The following FAM81A variants were observed in gnomAD, a reference collection of about 807,000 sequenced individuals.
The protein encoded by FAM81A is family with sequence similarity 81 member A.
In FAM81A, 19 loss-of-function variants were observed where a neutral mutation model predicts 46.7. That is an observed-to-expected ratio of 0.41 (90% CI 0.28 to 0.60). FAM81A has a LOEUF of 0.60. Ranked by LOEUF, FAM81A falls within the 20% of genes least tolerant of loss-of-function variation. FAM81A has a pLI of 0.34. For missense variants in FAM81A, 377 were observed against 453.5 expected, an observed-to-expected ratio of 0.83 and a Z score of 1.53; for synonymous variants, 183 against 152.9, an observed-to-expected ratio of 1.20 and a Z score of -1.45.
chr15:59,463,069 C>T (rs1240098245), intron 3 of FAM81A, among the ~76,000 whole-genome samples: 1 of 152,068 alleles, frequency 6.6e-6, no homozygotes, highest in East Asian at 1.9e-4. Context: ...TTTTGTGTTG[C>T]ATCTTTACAA....
At chr15:59,487,621 G>C (rs2081933874) in intron 3 of FAM81A, among the ~76,000 whole-genome samples, 4 of 151,944 alleles carry the variant, frequency 2.6e-5, no homozygotes. Context: ...AGGCTACTAG[G>C]AGCAACTATA....
At chr15:59,495,372 T>G (rs1290387410) in intron 4 of FAM81A, among the ~76,000 whole-genome samples, 2 of 152,252 alleles carry the variant, frequency 1.3e-5, no homozygotes, top group African/African-American at 4.8e-5. Flanking sequence ...TTCCTTGTTA[T>G]GGCTGCATAG....
rs535313601 is a variant in FAM81A at position 59,488,839 on chromosome 15, G to A, written c.295-3432G>A. ...CAAAAATACGATAAAATAGCTGAGC[G>A]TGCTGCTGTGTGCCTCGGGAGGCTG... On this transcript the variant is annotated intron_variant, in intron 3 of 8. Transcript: ENST00000288228. Among the ~76,000 whole-genome samples the A allele has an allele frequency of 1.8e-4, 27 of 152,146 alleles. 1 individual carries two copies. In the South Asian group the frequency reaches 3.1e-3, roughly 18 times the overall value.
chr15:59,399,990 T>TG (rs2081063292), intron 1 of FAM81A, among the ~76,000 whole-genome samples: 1 of 152,024 alleles, frequency 6.6e-6, no homozygotes, highest in Non-Finnish European at 1.5e-5. Context: ...GGGAGGGTGG[T>TG]GGGGTAAATG....
chr15:59,453,735 A>C (rs868712006), intron 1 of FAM81A, among the ~76,000 whole-genome samples: 2 of 146,096 alleles, frequency 1.4e-5, no homozygotes, highest in African/African-American at 2.5e-5. Context: ...TGGGGAAAGC[A>C]AAAAAAAAAA....
chr15:59,500,515 T>G (rs1375911701), intron 4 of FAM81A, among the ~76,000 whole-genome samples: 2 of 152,208 alleles, frequency 1.3e-5, no homozygotes, highest in South Asian at 4.1e-4. Context: ...TTGCCCAGGC[T>G]GGTCTCAAAG....
intron 3 of FAM81A, among the ~76,000 whole-genome samples, chr15:59,479,108 C>G (rs770439113): frequency 2.0e-5 from 3 of 152,226 alleles, no homozygotes; most frequent in Non-Finnish European, 4.4e-5. Flanking sequence ...CCCTGCTGCA[C>G]ACTTTAGTGG....
At chr15:59,467,201 G>A (rs1387645770) in intron 3 of FAM81A, among the ~76,000 whole-genome samples, 1 of 152,074 alleles carries the variant, frequency 6.6e-6, no homozygotes, top group Non-Finnish European at 1.5e-5. Flanking sequence ...CTCTTTTTTG[G>A]TTCCATATGA....
intron 2 of FAM81A, among the ~76,000 whole-genome samples, chr15:59,419,441 G>A (rs1343739901): frequency 6.6e-6 from 1 of 152,136 alleles, no homozygotes; most frequent in African/African-American, 2.4e-5. Context: ...ACCATTTTAA[G>A]TTTCCTCTCC....
chr15:59,470,067 C>T (rs527346624), intron 3 of FAM81A, among the ~76,000 whole-genome samples: 108 of 152,228 alleles, frequency 7.1e-4, no homozygotes, highest in African/African-American at 2.4e-3. Context: ...GGGTTTCTGC[C>T]GAGAGATCTG....
At chr15:59,446,664 C>G (rs961905640) in intron 1 of FAM81A, 3 of 152,202 alleles carry the variant, frequency 2.0e-5, no homozygotes, top group Admixed American at 1.3e-4. Flanking sequence ...AATATCTGCT[C>G]TGGGACCCCA....
intron 2 of FAM81A, among the ~76,000 whole-genome samples, chr15:59,428,602 C>T (rs1225855328): frequency 6.8e-6 from 1 of 146,706 alleles, no homozygotes. Context: ...TCTTCTACTA[C>T]CTAGATCCAT....
intron 2 of FAM81A, among the ~76,000 whole-genome samples, chr15:59,426,320 G>A (rs984205426): frequency 3.3e-5 from 5 of 151,978 alleles, no homozygotes; most frequent in African/African-American, 7.3e-5. Flanking sequence ...AGAAATACAC[G>A]TACTGACCAG....
chr15:59,423,388 G>T (rs1300975745), intron 2 of FAM81A, among the ~76,000 whole-genome samples: 2 of 152,214 alleles, frequency 1.3e-5, no homozygotes, highest in African/African-American at 4.8e-5. Flanking sequence ...GTGAGCCATC[G>T]CGCCTGGTCT....
rs905059445 is a variant in FAM81A at position 59,490,690 on chromosome 15, G to T, written c.295-1581G>T. ...CTACTAAAAATACAAAAAAAATTTA[G>T]CCTGGCATGGTGATGCATGCCTGTA... On this transcript the variant is annotated intron_variant, in intron 3 of 8. Transcript: ENST00000288228. 3.9e-5 allele frequency among the ~76,000 whole-genome samples: 6 copies of T among 152,206 alleles called. No individual in the cohort carries two copies. The South Asian group carries it at 1.2e-3, about 32-fold the overall frequency.
chr15:59,488,957 G>T (rs2081951147), intron 3 of FAM81A, among the ~76,000 whole-genome samples: 1 of 150,486 alleles, frequency 6.6e-6, no homozygotes, highest in African/African-American at 2.5e-5. Context: ...GCAAGACCCT[G>T]TCTCAATAAT....
Position 59,458,565 on chromosome 15 carries a change from A to C in FAM81A, c.-62A>C. ...TTTTCAACAGATGTGAATTATTAAA[A>C]AGAAAATGGCCCAACGGAGCACTGT... On this transcript the variant is annotated 5_prime_UTR_variant, in exon 2 of 9. Transcript: ENST00000288228. 6.2e-7 allele frequency: 1 copy of C among 1,612,898 alleles called. No homozygotes were observed. Among genetic ancestry groups the C allele is most frequent in the Non-Finnish European group, 8.5e-7 (1 of 1,179,550 alleles).
chr15:59,521,238 T>C lies in FAM81A; in HGVS notation c.983-16T>C. On this transcript the variant is annotated splice_polypyrimidine_tract_variant and intron_variant, in intron 8 of 8. Coordinates refer to ENST00000288228, the MANE Select transcript of FAM81A (RefSeq NM_152450.3). ...AAAAAATTGTTAACTGTTGTGAAAT[T>C]TACCTCTCCTTCAAGGGTTTACAGC... is the stretch of plus-strand genomic sequence containing the variant. 4.4e-6 allele frequency: 7 copies of C among 1,599,470 alleles called. No homozygotes were observed. The highest frequency in any genetic ancestry group is 6.0e-6 in the Non-Finnish European group (7 of 1,174,738).
At chr15:59,401,624 G>T in intron 1 of FAM81A, 1 of 914,612 alleles carries the variant, frequency 1.1e-6, no homozygotes, top group Non-Finnish European at 1.8e-6. Flanking sequence ...TTCTCCCTGG[G>T]CACATACTTT....
Sources: allele counts gnomAD v4.1 joint callset (sites outside exome capture counted in the v4.1 genomes callset), GRCh38; gene constraint gnomAD v4.1.1; transcripts MANE v1.5; gene names NCBI Gene and HGNC (gene_info 2026-07-23, HGNC 2026-07-21).